The following PZP variants were observed in gnomAD, a reference collection of about 807,000 sequenced individuals.
The protein encoded by PZP is pregnancy zone protein.
PZP carries 150 observed loss-of-function variants against 179.8 expected under a neutral mutation model. The observed-to-expected ratio is 0.83, with a 90% CI of 0.73 to 0.96. The LOEUF (loss-of-function observed/expected upper bound fraction) is 0.96. PZP is among the 40% of genes least tolerant of loss of function. The pLI, the probability that PZP is intolerant of heterozygous loss-of-function variation, is 0.00. For synonymous variants in PZP, 624 were observed against 652.3 expected, an observed-to-expected ratio of 0.96 and a Z score of 0.66; for missense variants, 1,689 against 1,764.0, an observed-to-expected ratio of 0.96 and a Z score of 0.76.
intron 14 of PZP, among the ~76,000 whole-genome samples, chr12:9,181,657 A>G (rs779423841): frequency 6.6e-6 from 1 of 152,326 alleles, no homozygotes; most frequent in Non-Finnish European, 1.5e-5. Flanking sequence ...ACACATGATA[A>G]GGTAATTCTA....
rs773570479 is a variant in PZP, at chr12:9,196,396, A to T, written c.1026T>A (p.Ile342=). ...TANRISEITN[I]VSKLKFVKVD... is the part of the protein sequence containing the mutation. ...CTTTCACGAATTTGAGTTTGGATAC[A>T]ATGTTTGTGATTTCACTGATCCTGT... is the stretch of plus-strand genomic sequence containing the variant. The change falls in exon 10 of 36, where the codon ATT becomes ATA. Residue 342 remains isoleucine, a synonymous_variant. Transcript: ENST00000261336. 60 of 1,613,778 alleles carry T rather than the reference A, an allele frequency of 3.7e-5. No individual in the cohort carries two copies. Among genetic ancestry groups the T allele is most frequent in the Non-Finnish European group, 4.8e-5 (57 of 1,179,824 alleles).
At chr12:9,167,968 A>G (rs757259383) in intron 17 of PZP, among the ~76,000 whole-genome samples, 6 of 152,320 alleles carry the variant, frequency 3.9e-5, no homozygotes, top group East Asian at 1.9e-4. Flanking sequence ...AATTTGTGCT[A>G]TCATTGAAGG....
At chr12:9,180,893 C>A in intron 15 of PZP, 90 bp downstream of exon 15, 1 of 1,413,558 alleles carries the variant, frequency 7.1e-7, no homozygotes, top group Non-Finnish European at 9.3e-7. Flanking sequence ...ATTTTCGCAA[C>A]CTACTCATCT....
chr12:9,190,411 T>C (rs576192164), intron 13 of PZP, among the ~76,000 whole-genome samples: 3 of 152,212 alleles, frequency 2.0e-5, no homozygotes, highest in Non-Finnish European at 2.9e-5. Flanking sequence ...AAACCAAATA[T>C]TCCATGTGCT....
chr12:9,136,588 A>G, the PZP span, among the ~76,000 whole-genome samples: 1 of 152,198 alleles, frequency 6.6e-6, no homozygotes, highest in Non-Finnish European at 1.5e-5. Context: ...ATATACAAAT[A>G]TAGATGAATA....
At chr12:9,161,834 C>T (rs1172958832) in intron 22 of PZP, among the ~76,000 whole-genome samples, 2 of 152,130 alleles carry the variant, frequency 1.3e-5, no homozygotes, top group East Asian at 1.9e-4. Flanking sequence ...ATTTTCTACA[C>T]GGAAAACACA....
At chr12:9,158,933 A>C (rs1940972665) in intron 25 of PZP, among the ~76,000 whole-genome samples, 1 of 151,590 alleles carries the variant, frequency 6.6e-6, no homozygotes, top group Non-Finnish European at 1.5e-5. Flanking sequence ...CCTTTCCTAG[A>C]TTTCTTAGCT....
chr12:9,182,151 T>TAA (rs1565649484), intron 13 of PZP, 34 bp from the exon 14 acceptor site: 1 of 1,605,442 alleles, frequency 6.2e-7, no homozygotes, highest in East Asian at 2.2e-5. Context: ...AAAATGGTCA[T>TAA]AAGTGAGACA....
At chr12:9,190,556 A>G (rs2121086394) in intron 13 of PZP, among the ~76,000 whole-genome samples, 1 of 152,222 alleles carries the variant, frequency 6.6e-6, no homozygotes, top group South Asian at 2.1e-4. Context: ...GGTGGAGGGT[A>G]GGTGGAGAAA....
At chr12:9,158,808 G>A (rs1358113968) in intron 25 of PZP, among the ~76,000 whole-genome samples, 5 of 116,594 alleles carry the variant, frequency 4.3e-5, no homozygotes, top group Admixed American at 4.3e-4. Flanking sequence ...TTACCAGCTT[G>A]TCCTTGCTTC....
intron 13 of PZP, among the ~76,000 whole-genome samples, chr12:9,182,748 A>G (rs1369454388): frequency 1.3e-5 from 2 of 152,234 alleles, no homozygotes; most frequent in Non-Finnish European, 2.9e-5. Context: ...GGCAACAACA[A>G]AAGTTCCATT....
intron 1 of PZP, among the ~76,000 whole-genome samples, chr12:9,205,092 C>CA (rs559889124): frequency 1.4e-3 from 207 of 148,394 alleles, no homozygotes; most frequent in Middle Eastern, 0.014. Flanking sequence ...GACCCTGTTT[C>CA]AAAAAAAAAC....
chr12:9,196,518 G>C (rs1295786594), intron 9 of PZP, 53 bp downstream of exon 9: 1 of 1,568,036 alleles, frequency 6.4e-7, no homozygotes, highest in Non-Finnish European at 8.8e-7. Context: ...CCTTTATTTT[G>C]TTATGGAAAG....
chr12:9,153,682 G>C (rs1940534306), intron 29 of PZP, among the ~76,000 whole-genome samples: 1 of 152,180 alleles, frequency 6.6e-6, no homozygotes, highest in African/African-American at 2.4e-5. Context: ...CAGTTAGATG[G>C]AAGAGTGATA....
Position 9,163,760 on chromosome 12 carries a change from C to T in PZP, c.2644G>A (p.Ala882Thr), listed in dbSNP as rs976699924. 6.2e-7 allele frequency: 1 copy of T among 1,612,906 alleles called. No individual in the cohort carries two copies. Among genetic ancestry groups the T allele is most frequent in the Non-Finnish European group, 8.5e-7 (1 of 1,179,556 alleles). Residue 882 changes from alanine (A) to threonine (T), a missense_variant, in exon 21 of 36, where the codon GCA (alanine) becomes ACA (threonine). This residue lies in a region of PZP where 746 missense variants were observed against 749.2 expected (regional missense o/e 1.00). Transcript: ENST00000261336. ...GNVNFSVSAE[A>T]MQSLELCGNE... ...CCACAGAGTTCTAAGGACTGCATTGCCTCTGCACTCACTGAGAAGTTCACA... is the reference window on the plus strand; with the variant it reads ...CCACAGAGTTCTAAGGACTGCATTGTCTCTGCACTCACTGAGAAGTTCACA...
chr12:9,150,077 C>A (rs1026120360), intron 34 of PZP, among the ~76,000 whole-genome samples: 1 of 152,186 alleles, frequency 6.6e-6, no homozygotes, highest in East Asian at 1.9e-4. Flanking sequence ...TTTTGCCTCT[C>A]AAACTTATTG....
At position 9,151,617 on chromosome 12, in the gene PZP, A is replaced by C; in HGVS notation, c.4268T>G (p.Ile1423Ser). The change falls in exon 33 of 36, where the codon ATT becomes AGT. Residue 1423 changes from isoleucine to serine, a missense_variant. Ile to Ser is a moderately radical substitution (Grantham distance 142). Coordinates refer to ENST00000261336, the MANE Select transcript of PZP (RefSeq NM_002864.3). ...CAGAGCCCTCACCTGTTCCACATAA[A>C]TGAGGACATGGTTGTTGCTCACTTC... ...RTEVSNNHVL[I>S]YVEQVTNQTL... 6.2e-7 allele frequency: 1 copy of C among 1,613,862 alleles called. No homozygotes were observed. The highest frequency in any genetic ancestry group is 1.1e-5 in the South Asian group (1 of 91,048).
At chr12:9,139,059 A>T in the PZP span, among the ~76,000 whole-genome samples, 3 of 151,948 alleles carry the variant, frequency 2.0e-5, no homozygotes, top group African/African-American at 7.2e-5. Flanking sequence ...TAATGTAGGT[A>T]TTTATCACAG....
At chr12:9,172,425 C>A (rs1351587541) in intron 15 of PZP, among the ~76,000 whole-genome samples, 1 of 152,026 alleles carries the variant, frequency 6.6e-6, no homozygotes, top group Non-Finnish European at 1.5e-5. Context: ...ATGAAGCAAT[C>A]ACATAAACAA....
Sources: gnomAD v4.1 joint callset for allele counts (sites outside exome capture counted in the v4.1 genomes callset) on GRCh38, gnomAD v4.1.1 for gene constraint, gnomAD v4.1.1 regional missense constraint, MANE v1.5 for transcripts, NCBI Gene and HGNC (gene_info 2026-07-23, HGNC 2026-07-21) for gene names.